Variants in GPC5 observed in about 807,000 individuals in gnomAD.
GPC5 encodes glypican 5.
Under a neutral mutation model 53.9 loss-of-function variants are expected in GPC5, and 47 were observed. The ratio of observed to expected loss-of-function variants is 0.87; its 90% CI spans 0.69 to 1.11. The LOEUF (loss-of-function observed/expected upper bound fraction) is 1.11. Ranked by LOEUF, GPC5 falls within the 50% of genes most tolerant of loss-of-function variation. The probability of loss-of-function intolerance (pLI) is 0.00; values close to 1 mark genes in which losing one functional copy is unlikely to be tolerated. For synonymous variants in GPC5, 286 were observed against 263.3 expected (o/e 1.09, Z -0.84); for missense variants, 748 against 713.1 (o/e 1.05, Z -0.56).
At chr13:91,820,273 G>GT (rs1262687181) in intron 5 of GPC5, among the ~76,000 whole-genome samples, 1 of 151,812 alleles carries the variant, frequency 6.6e-6, no homozygotes, top group Non-Finnish European at 1.5e-5. Context: ...TATTATTTGT[G>GT]TTTTTTGGGA....
chr13:91,768,513 C>T (rs957600516), intron 5 of GPC5, among the ~76,000 whole-genome samples: 1 of 152,070 alleles, frequency 6.6e-6, no homozygotes, highest in Admixed American at 6.5e-5. Context: ...GCATGCATTA[C>T]TTCTTCAGGA....
chr13:91,905,190 T>G (rs2077277361), intron 5 of GPC5, among the ~76,000 whole-genome samples: 1 of 152,010 alleles, frequency 6.6e-6, no homozygotes, highest in African/African-American at 2.4e-5. Flanking sequence ...ATTCAACACA[T>G]TAATAAAACA....
At chr13:92,628,821 T>C (rs1490622550) in intron 7 of GPC5, among the ~76,000 whole-genome samples, 2 of 152,168 alleles carry the variant, frequency 1.3e-5, no homozygotes, top group African/African-American at 2.4e-5. Context: ...ATTTTCCTGC[T>C]CCTCTCATGG....
intron 7 of GPC5, among the ~76,000 whole-genome samples, chr13:92,577,290 G>A (rs538139802): frequency 5.9e-4 from 90 of 152,156 alleles, no homozygotes; most frequent in African/African-American, 2.1e-3. Flanking sequence ...TACCCCAGTC[G>A]TCAATCTCGC....
chr13:92,472,474 G>A (rs1878950637), intron 7 of GPC5, among the ~76,000 whole-genome samples: 1 of 152,036 alleles, frequency 6.6e-6, no homozygotes, highest in African/African-American at 2.4e-5. Flanking sequence ...TCTTATGAAA[G>A]GCCTATGAAT....
rs545813085 is a variant in GPC5, at chr13:92,343,355, C to T, written c.1561+198366C>T. On this transcript the variant is annotated intron_variant, in intron 7 of 7. Coordinates refer to ENST00000377067, the MANE Select transcript of GPC5 (RefSeq NM_004466.6). ...TCAATTGCCCTATATTATGAAAAAGCGTATAATGCTTTCAGTTTGATTTTG... is the reference window on the plus strand; with the variant it reads ...TCAATTGCCCTATATTATGAAAAAGTGTATAATGCTTTCAGTTTGATTTTG... Among the ~76,000 whole-genome samples the T allele has an allele frequency of 7.9e-5, 12 of 152,240 alleles. No homozygotes were observed. In the South Asian group the frequency reaches 2.1e-3, roughly 26 times the overall value.
chr13:91,945,621 C>T (rs2039967070), intron 6 of GPC5, among the ~76,000 whole-genome samples: 1 of 152,018 alleles, frequency 6.6e-6, no homozygotes, highest in Admixed American at 6.6e-5. Context: ...CAGGACTTTC[C>T]TCTAGGACGA....
chr13:91,985,022 TTA>T lies in GPC5; in HGVS notation c.1401+76969_1401+76970del, dbSNP rs577078655. Among the ~76,000 whole-genome samples, 427 of 152,332 alleles carry T rather than the reference TTA, an allele frequency of 2.8e-3. 2 individuals are homozygous for T. The highest frequency in any genetic ancestry group is 0.01 in the Middle Eastern group (3 of 294). ...TGTACATTCTGTCATTAGTGATATT[TTA>T]TATGTTTTTTCTAATTAGAAAGTTA... is the stretch of plus-strand genomic sequence containing the variant. On this transcript the variant is annotated intron_variant, in intron 6 of 7. Coordinates refer to ENST00000377067, the MANE Select transcript of GPC5 (RefSeq NM_004466.6).
chr13:92,750,097 A>G (rs1461372108), intron 7 of GPC5, among the ~76,000 whole-genome samples: 4 of 152,194 alleles, frequency 2.6e-5, no homozygotes, highest in African/African-American at 9.7e-5. Context: ...GAGCATTTGA[A>G]TAAGTGTCTG....
rs138890894 is a variant in GPC5, at chr13:91,431,339, C to T, written c.164-17422C>T. ...GGTTTATTTGACTGGATTTTCCACTCTTGTGTATTTCAGGGTTCCTAGATC... is the reference window on the plus strand; with the variant it reads ...GGTTTATTTGACTGGATTTTCCACTTTTGTGTATTTCAGGGTTCCTAGATC... On this transcript the variant is annotated intron_variant, in intron 1 of 7. Coordinates refer to ENST00000377067, the MANE Select transcript of GPC5 (RefSeq NM_004466.6). 7.9e-5 allele frequency among the ~76,000 whole-genome samples: 12 copies of T among 152,276 alleles called. No homozygotes were observed. The East Asian group carries it at 1.9e-3, about 24-fold the overall frequency.
chr13:92,226,447 C>G (rs1463514831), intron 7 of GPC5, among the ~76,000 whole-genome samples: 1 of 152,040 alleles, frequency 6.6e-6, no homozygotes, highest in Non-Finnish European at 1.5e-5. Context: ...TTTAATACTA[C>G]AACTTTTGAG....
intron 2 of GPC5, among the ~76,000 whole-genome samples, chr13:91,483,474 T>A (rs189492624): frequency 3.9e-5 from 6 of 152,300 alleles, no homozygotes; most frequent in Admixed American, 3.9e-4. Flanking sequence ...TGATGACTAC[T>A]CCAGCCCTGT....
chr13:92,306,731 C>T lies in GPC5; in HGVS notation c.1561+161742C>T, dbSNP rs180818894. Among the ~76,000 whole-genome samples, 578 of 152,284 alleles carry T rather than the reference C, an allele frequency of 3.8e-3. 2 individuals carry two copies. The highest frequency in any genetic ancestry group is 0.013 in the African/African-American group (554 of 41,568). ...GCTTGATTGTTCAGAGTTCCTGGAA[C>T]TCTTTCATTAGCATTTAGTTCATCA... On this transcript the variant is annotated intron_variant, in intron 7 of 7. Coordinates refer to ENST00000377067, the MANE Select transcript of GPC5 (RefSeq NM_004466.6).
In GPC5 at chr13:92,302,890, G is replaced by A. The variant is rs2043085011; in HGVS notation, c.1561+157901G>A. Among the ~76,000 whole-genome samples the A allele has an allele frequency of 3.9e-5, 6 of 152,220 alleles. No individual in the cohort carries two copies. The South Asian group carries it at 1.2e-3, about 32-fold the overall frequency. ...CGTCCCTCCTTTTATTCTTATGGGA[G>A]GATCAAAGGAGTGAAGAGAAGGCTG... On this transcript the variant is annotated intron_variant, in intron 7 of 7. Transcript: ENST00000377067.
intron 7 of GPC5, among the ~76,000 whole-genome samples, chr13:92,382,591 A>G (rs1190137115): frequency 2.6e-5 from 4 of 152,130 alleles, no homozygotes; most frequent in Non-Finnish European, 5.9e-5. Context: ...CAGACTCCCT[A>G]TATCAACAAC....
intron 5 of GPC5, among the ~76,000 whole-genome samples, chr13:91,784,595 A>G (rs1258833712): frequency 2.6e-5 from 4 of 152,030 alleles, no homozygotes; most frequent in African/African-American, 7.3e-5. Context: ...ATGGTGGCAC[A>G]TGCCTGTAAT....
At chr13:91,806,911 A>G (rs1594581931) in intron 5 of GPC5, among the ~76,000 whole-genome samples, 1 of 152,198 alleles carries the variant, frequency 6.6e-6, no homozygotes, top group Non-Finnish European at 1.5e-5. Flanking sequence ...AACATCTCAT[A>G]TACTATATCA....
chr13:91,538,298 G>A lies in GPC5; in HGVS notation c.325+89376G>A, dbSNP rs111535785. 4.7e-3 allele frequency among the ~76,000 whole-genome samples: 712 copies of A among 152,238 alleles called. 4 individuals carry two copies. The highest frequency in any genetic ancestry group is 0.016 in the African/African-American group (680 of 41,534). ...ACTTCCAGGTTTTGATCCAGGGATA[G>A]GAGACTTTTATCCCAATTGCATAGG... On this transcript the variant is annotated intron_variant, in intron 2 of 7. Coordinates refer to ENST00000377067, the MANE Select transcript of GPC5 (RefSeq NM_004466.6).
intron 7 of GPC5, among the ~76,000 whole-genome samples, chr13:92,230,632 T>A (rs2042523038): frequency 6.6e-6 from 1 of 152,142 alleles, no homozygotes; most frequent in Non-Finnish European, 1.5e-5. Context: ...ACTAAGTCAA[T>A]TAACTTTCCA....
Sources: gnomAD v4.1 joint callset for allele counts (sites outside exome capture counted in the v4.1 genomes callset) on GRCh38, gnomAD v4.1.1 for gene constraint, MANE v1.5 for transcripts, NCBI Gene and HGNC (gene_info 2026-07-23, HGNC 2026-07-21) for gene names.